RUNDC3B: variants seen among roughly 807,000 people sequenced by gnomAD.
The protein encoded by RUNDC3B is RUN domain-containing protein 3B.
RUNDC3B carries 33 observed loss-of-function variants against 58.4 expected under a neutral mutation model. The observed-to-expected ratio is 0.56, with a 90% confidence interval of 0.43 to 0.75. The LOEUF is 0.75. Among genes scored for constraint, RUNDC3B ranks in the 30% least tolerant of loss-of-function variants. RUNDC3B has a pLI of 0.00. For missense variants in RUNDC3B, 501 were observed against 535.7 expected, an observed-to-expected ratio of 0.94 and a Z score of 0.64; for synonymous variants, 193 against 195.2, an observed-to-expected ratio of 0.99 and a Z score of 0.10.
At chr7:87,829,413 G>T (rs1274612797) in intron 10 of RUNDC3B, among the ~76,000 whole-genome samples, 12 of 151,962 alleles carry the variant, frequency 7.9e-5, no homozygotes, top group African/African-American at 2.7e-4. Context: ...TCTGCATATG[G>T]CTAGACAGCT....
intron 2 of RUNDC3B, among the ~76,000 whole-genome samples, chr7:87,682,400 C>T (rs1827014124): frequency 6.6e-6 from 1 of 152,146 alleles, no homozygotes; most frequent in African/African-American, 2.4e-5. Context: ...TTACTTTGCC[C>T]AGATCCATCA....
At chr7:87,694,752 TGGAAG>T (rs1828347074) in intron 2 of RUNDC3B, among the ~76,000 whole-genome samples, 1 of 152,030 alleles carries the variant, frequency 6.6e-6, no homozygotes, top group Non-Finnish European at 1.5e-5. Context: ...ATAATGCTGG[TGGAAG>T]GGAAAAAACA....
At chr7:87,769,989 T>A (rs533885005) in intron 6 of RUNDC3B, among the ~76,000 whole-genome samples, 5 of 152,206 alleles carry the variant, frequency 3.3e-5, no homozygotes, top group East Asian at 1.9e-4. Flanking sequence ...CTGAGGAATT[T>A]TAGATATGGA....
At chr7:87,736,889 ATTTTTT>A (rs869109911) in intron 4 of RUNDC3B, among the ~76,000 whole-genome samples, 9 of 28,212 alleles carry the variant, frequency 3.2e-4, no homozygotes, top group Non-Finnish European at 4.5e-4. Flanking sequence ...ATATATATAT[ATTTTTT>A]TTTTTTTTTT....
intron 1 of RUNDC3B, among the ~76,000 whole-genome samples, chr7:87,650,263 T>C (rs1823444799): frequency 1.3e-5 from 2 of 152,176 alleles, no homozygotes; most frequent in African/African-American, 4.8e-5. Flanking sequence ...GTAGATACTT[T>C]CTTAGTCCTT....
chr7:87,752,414 C>T (rs1833067195), intron 6 of RUNDC3B, among the ~76,000 whole-genome samples: 1 of 152,138 alleles, frequency 6.6e-6, no homozygotes, highest in Non-Finnish European at 1.5e-5. Flanking sequence ...AGGATTCCCT[C>T]TTTTTCTATT....
At chr7:87,673,586 C>T (rs558599509) in intron 2 of RUNDC3B, among the ~76,000 whole-genome samples, 1 of 152,274 alleles carries the variant, frequency 6.6e-6, no homozygotes, top group East Asian at 1.9e-4. Context: ...CTTAAAATGG[C>T]CCTTCGATAT....
At chr7:87,796,647 A>G (rs1835836447) in intron 8 of RUNDC3B, among the ~76,000 whole-genome samples, 2 of 152,132 alleles carry the variant, frequency 1.3e-5, no homozygotes, top group Non-Finnish European at 2.9e-5. Context: ...CAGTGGGCAA[A>G]TTTTTCAATG....
chr7:87,655,097 C>T (rs913515626), intron 2 of RUNDC3B, among the ~76,000 whole-genome samples: 9 of 151,914 alleles, frequency 5.9e-5, no homozygotes, highest in Admixed American at 6.6e-5. Flanking sequence ...TTTAGAACAG[C>T]CATTACAGAA....
chr7:87,701,624 T>G (rs1829043294), intron 3 of RUNDC3B, among the ~76,000 whole-genome samples: 1 of 152,192 alleles, frequency 6.6e-6, no homozygotes, highest in South Asian at 2.1e-4. Flanking sequence ...GTCATTAATA[T>G]GATTACAGAA....
At chr7:87,659,319 G>T in intron 2 of RUNDC3B, 1 of 306,224 alleles carries the variant, frequency 3.3e-6, no homozygotes, top group Non-Finnish European at 6.4e-6. Context: ...GTCTTCTAGG[G>T]GGCTGTTTGA....
At chr7:87,768,508 G>A (rs906339944) in intron 6 of RUNDC3B, among the ~76,000 whole-genome samples, 3 of 152,220 alleles carry the variant, frequency 2.0e-5, no homozygotes, top group African/African-American at 7.2e-5. Context: ...AGGTTTGGGG[G>A]CAATGTGAGC....
intron 6 of RUNDC3B, among the ~76,000 whole-genome samples, chr7:87,755,096 C>T (rs990111722): frequency 2.0e-5 from 3 of 151,468 alleles, no homozygotes; most frequent in Non-Finnish European, 2.9e-5. Context: ...GATCTCGGCT[C>T]ACTGCAACTT....
At chr7:87,690,287 C>A (rs1827890202) in intron 2 of RUNDC3B, among the ~76,000 whole-genome samples, 1 of 151,944 alleles carries the variant, frequency 6.6e-6, no homozygotes, top group African/African-American at 2.4e-5. Context: ...TAGTTGATTG[C>A]CATTGTTCAT....
At chr7:87,670,591 A>C (rs1396442420) in intron 2 of RUNDC3B, among the ~76,000 whole-genome samples, 1 of 152,080 alleles carries the variant, frequency 6.6e-6, no homozygotes, top group African/African-American at 2.4e-5. Context: ...GTTCTTTCTC[A>C]TCTCTGTGTG....
chr7:87,813,229 G>C (rs541550773), intron 9 of RUNDC3B, among the ~76,000 whole-genome samples: 35 of 152,288 alleles, frequency 2.3e-4, no homozygotes, highest in Non-Finnish European at 4.3e-4. Context: ...ACAAATTAAA[G>C]GGGAGAAAGG....
In RUNDC3B at chr7:87,813,980, C is replaced by CAA. The variant is rs397890276; in HGVS notation, c.1104-2148_1104-2147dup. 2.3e-4 allele frequency among the ~76,000 whole-genome samples: 21 copies of CAA among 89,558 alleles called. No individual in the cohort carries two copies. In the East Asian group the frequency reaches 3.0e-3, roughly 13 times the overall value. The allele number at this position is 89,558 out of a possible 152,430, so 58.8% of individuals were successfully genotyped here. On this transcript the variant is annotated intron_variant, in intron 9 of 10. Coordinates refer to ENST00000394654, the MANE Select transcript of RUNDC3B (RefSeq NM_001134405.2). Reference sequence around the variant, plus strand: ...TGGGCGACAGAGCGAGACTCCGTCTCAAAAAAAAAAAAAAGATTTTAATGA... The same window carrying CAA: ...TGGGCGACAGAGCGAGACTCCGTCTCAAAAAAAAAAAAAAAAGATTTTAATGA...
At position 87,785,309 on chromosome 7, in the gene RUNDC3B, G is replaced by A. The variant is rs537822071; in HGVS notation, c.956+7354G>A. The stretch of plus-strand genomic sequence containing the variant: ...ACTGAACCCTTCCCAGGCTGGTCTT[G>A]TGGAAGGAAGGATGCCCAGCTCCCT... On this transcript the variant is annotated intron_variant, in intron 8 of 10. Coordinates refer to ENST00000394654, the MANE Select transcript of RUNDC3B (RefSeq NM_001134405.2). 2.6e-5 allele frequency among the ~76,000 whole-genome samples: 4 copies of A among 152,164 alleles called. No homozygotes were observed. In the East Asian group the frequency reaches 7.8e-4, roughly 29 times the overall value.
chr7:87,632,776 G>T (rs1190650004), intron 1 of RUNDC3B, among the ~76,000 whole-genome samples: 1 of 152,128 alleles, frequency 6.6e-6, no homozygotes, highest in African/African-American at 2.4e-5. Flanking sequence ...TGGTGGCAGA[G>T]TATTAAAATC....
Sources: allele counts gnomAD v4.1 joint callset (sites outside exome capture counted in the v4.1 genomes callset), GRCh38; gene constraint gnomAD v4.1.1; transcripts MANE v1.5; gene names NCBI Gene and HGNC (gene_info 2026-07-23, HGNC 2026-07-21).